URI1: variants seen among roughly 807,000 people sequenced by gnomAD.
URI1 encodes URI1 prefoldin like chaperone.
Under a neutral mutation model 60.2 loss-of-function variants are expected in URI1, and 39 were observed. The observed-to-expected ratio is 0.65, with a 90% CI of 0.50 to 0.85. URI1 has a LOEUF of 0.85. Ranked by LOEUF, URI1 falls within the 40% of genes least tolerant of loss-of-function variation. The pLI is 0.00. For synonymous variants in URI1, 251 were observed against 236.8 expected, an observed-to-expected ratio of 1.06 and a Z score of -0.55; for missense variants, 691 against 665.9, an observed-to-expected ratio of 1.04 and a Z score of -0.42.
chr19:29,967,914 C>T (rs960223450), intron 1 of URI1, among the ~76,000 whole-genome samples: 3 of 152,132 alleles, frequency 2.0e-5, no homozygotes, highest in Non-Finnish European at 4.4e-5. Flanking sequence ...CTTTGCAGTT[C>T]GTTTTGTCAC....
At chr19:29,980,359 TG>T (rs1173927326) in intron 2 of URI1, 1 of 151,904 alleles carries the variant, frequency 6.6e-6, no homozygotes, top group African/African-American at 2.4e-5. Flanking sequence ...AATGGGAAGT[TG>T]TAGGGTGGGT....
chr19:29,923,795 A>G, intron 1 of URI1: 11 of 1,524,218 alleles, frequency 7.2e-6, no homozygotes, highest in Non-Finnish European at 9.7e-6. Context: ...CTCTGCTGTT[A>G]GTGTGAGGTT....
At chr19:30,006,889 C>T (rs1292259118) in intron 6 of URI1, among the ~76,000 whole-genome samples, 1 of 151,946 alleles carries the variant, frequency 6.6e-6, no homozygotes, top group Non-Finnish European at 1.5e-5. Flanking sequence ...ACAAATGAAG[C>T]AGTTTAAAAA....
Position 30,014,876 on chromosome 19 carries a change from T to C in URI1, c.1426-11T>C, listed in dbSNP as rs2056065692. 1.9e-6 allele frequency: 3 copies of C among 1,607,416 alleles called. No homozygotes were observed. Among genetic ancestry groups the C allele is most frequent in the Non-Finnish European group, 2.5e-6 (3 of 1,176,716 alleles). On this transcript the variant is annotated splice_polypyrimidine_tract_variant and intron_variant, in intron 10 of 10. Transcript: ENST00000392271. ...GCATTTTATTACCATAACCTGACTT[T>C]TGTTTTCTAGGCTTTTTCTGGAACT... is the stretch of plus-strand genomic sequence containing the variant.
chr19:29,999,355 AGTG>A (rs2055850301), intron 4 of URI1, among the ~76,000 whole-genome samples: 1 of 152,244 alleles, frequency 6.6e-6, no homozygotes, highest in South Asian at 2.1e-4. Context: ...TTGCAGGTCT[AGTG>A]GTGAGGAATG....
intron 1 of URI1, among the ~76,000 whole-genome samples, chr19:29,964,573 G>A (rs1249174413): frequency 6.9e-6 from 1 of 145,938 alleles, no homozygotes; most frequent in Non-Finnish European, 1.5e-5. Context: ...TGATTTTCCT[G>A]CCTCAGCCTC....
chr19:30,002,487 T>C (rs527655986), intron 4 of URI1, among the ~76,000 whole-genome samples: 1 of 152,142 alleles, frequency 6.6e-6, no homozygotes, highest in South Asian at 2.1e-4. Flanking sequence ...GTGAAGACTT[T>C]AAAATATTAG....
upstream of URI1, among the ~76,000 whole-genome samples, chr19:29,938,833 C>A (rs1424883019): frequency 6.6e-6 from 1 of 151,812 alleles, no homozygotes; most frequent in Non-Finnish European, 1.5e-5. Flanking sequence ...ACTGCCACCA[C>A]ACCTGGCTAA....
chr19:29,942,187 G>T (rs2055033714), upstream of URI1: 2 of 982,270 alleles, frequency 2.0e-6, no homozygotes, highest in Non-Finnish European at 2.4e-6. Context: ...AGCTGGGCGT[G>T]TCGGGGGCGG....
chr19:29,957,221 A>G (rs538564397), intron 1 of URI1, among the ~76,000 whole-genome samples: 4 of 151,818 alleles, frequency 2.6e-5, no homozygotes, highest in African/African-American at 9.7e-5. Flanking sequence ...AAAGTCTATT[A>G]TATTTTATAA....
At chr19:29,923,779 T>G in intron 1 of URI1, 1 of 1,532,684 alleles carries the variant, frequency 6.5e-7, no homozygotes, top group Non-Finnish European at 8.7e-7. Flanking sequence ...GACAGTGTTA[T>G]AGCTTCTCTG....
chr19:29,975,123 G>T (rs1404427966), intron 2 of URI1, among the ~76,000 whole-genome samples: 1 of 151,998 alleles, frequency 6.6e-6, no homozygotes, highest in Non-Finnish European at 1.5e-5. Flanking sequence ...GGGTTGAATG[G>T]TTGTTCAGTT....
intron 1 of URI1, among the ~76,000 whole-genome samples, chr19:29,955,396 A>G (rs1008089634): frequency 3.3e-5 from 5 of 152,102 alleles, no homozygotes; most frequent in African/African-American, 1.2e-4. Context: ...AAATCACTTT[A>G]TGCATATGTT....
At chr19:30,006,200 T>C (rs1425467001) in intron 6 of URI1, among the ~76,000 whole-genome samples, 1 of 152,126 alleles carries the variant, frequency 6.6e-6, no homozygotes, top group African/African-American at 2.4e-5. Flanking sequence ...ACCCAGTAGA[T>C]TTCTTTTGCC....
intron 2 of URI1, among the ~76,000 whole-genome samples, chr19:29,983,018 TCTGGTA>T (rs2055617941): frequency 6.6e-6 from 1 of 152,230 alleles, no homozygotes; most frequent in East Asian, 1.9e-4. Flanking sequence ...CCATGTTCTT[TCTGGTA>T]CATAGCCTTG....
upstream of URI1, among the ~76,000 whole-genome samples, chr19:29,941,949 C>G (rs1339508053): frequency 6.7e-6 from 1 of 150,118 alleles, no homozygotes; most frequent in African/African-American, 2.4e-5. Flanking sequence ...TGTTGCCGAG[C>G]GTTTCCTGGG....
At chr19:30,006,410 CTT>C (rs2055943541) in intron 6 of URI1, among the ~76,000 whole-genome samples, 1 of 152,052 alleles carries the variant, frequency 6.6e-6, no homozygotes, top group African/African-American at 2.4e-5. Flanking sequence ...GTGATGAACT[CTT>C]AAGATAACTT....
Position 30,010,573 on chromosome 19 carries a change from A to G in URI1, c.1036-521A>G, listed in dbSNP as rs553616592. 2.6e-5 allele frequency among the ~76,000 whole-genome samples: 4 copies of G among 152,316 alleles called. No individual in the cohort carries two copies. In the South Asian group the frequency reaches 8.3e-4, roughly 32 times the overall value. On this transcript the variant is annotated intron_variant, in intron 8 of 10. Coordinates refer to ENST00000392271, the MANE Select transcript of URI1 (RefSeq NM_003796.3). The stretch of plus-strand genomic sequence containing the variant: ...AGTATGCTCTAAGTGCTGACTAGGG[A>G]TAGAAAAATAACATGTTAACCCCAT...
intron 9 of URI1, 64 bp downstream of exon 9, chr19:30,011,300 T>C: frequency 6.6e-7 from 1 of 1,524,484 alleles, no homozygotes; most frequent in Non-Finnish European, 8.8e-7. Flanking sequence ...CCACTGAACC[T>C]TTACTGGAGA....
Sources: allele counts gnomAD v4.1 joint callset (sites outside exome capture counted in the v4.1 genomes callset), GRCh38; gene constraint gnomAD v4.1.1; transcripts MANE v1.5; gene names NCBI Gene and HGNC (gene_info 2026-07-23, HGNC 2026-07-21).